Variants in FER observed in about 807,000 individuals in gnomAD.
FER encodes FER tyrosine kinase.
In FER, 63 loss-of-function variants were observed where a neutral mutation model predicts 111.0. The observed-to-expected ratio is 0.57, with a 90% CI of 0.46 to 0.70. FER has a LOEUF of 0.70. FER is among the 30% of genes least tolerant of loss of function. The probability of loss-of-function intolerance (pLI) is 0.00; values close to 1 mark genes in which losing one functional copy is unlikely to be tolerated. For missense variants in FER, 914 were observed against 954.0 expected (o/e 0.96, Z 0.55); for synonymous variants, 327 against 313.9 (o/e 1.04, Z -0.44).
chr5:109,045,787 C>G (rs1339431473), intron 15 of FER, among the ~76,000 whole-genome samples: 4 of 152,178 alleles, frequency 2.6e-5, no homozygotes, highest in African/African-American at 9.7e-5. Flanking sequence ...ACACAGTTAT[C>G]TCTTCATGCA....
At chr5:108,944,526 GT>G (rs1419988105) in intron 10 of FER, among the ~76,000 whole-genome samples, 1 of 152,116 alleles carries the variant, frequency 6.6e-6, no homozygotes, top group Admixed American at 6.6e-5. Flanking sequence ...TTGAAGGGAA[GT>G]TTTTTAATTT....
intron 17 of FER, among the ~76,000 whole-genome samples, chr5:109,158,904 G>A (rs1755697913): frequency 6.6e-6 from 1 of 151,902 alleles, no homozygotes; most frequent in African/African-American, 2.4e-5. Flanking sequence ...GTATGTTCAT[G>A]AATACCAATA....
intron 16 of FER, among the ~76,000 whole-genome samples, chr5:109,048,193 A>G (rs1221178504): frequency 6.6e-6 from 1 of 152,044 alleles, no homozygotes; most frequent in Non-Finnish European, 1.5e-5. Flanking sequence ...TTAATTTTTC[A>G]TGATTTATAA....
At chr5:109,104,161 A>G (rs958986065) in intron 17 of FER, among the ~76,000 whole-genome samples, 1 of 152,210 alleles carries the variant, frequency 6.6e-6, no homozygotes, top group Non-Finnish European at 1.5e-5. Context: ...TAACACAGTG[A>G]TTTTTGTTTA....
At chr5:108,937,456 T>G (rs1049442263) in intron 10 of FER, among the ~76,000 whole-genome samples, 1 of 152,016 alleles carries the variant, frequency 6.6e-6, no homozygotes, top group Non-Finnish European at 1.5e-5. Context: ...GATTTAAATT[T>G]GTGAGTAGAC....
At chr5:109,187,334 C>T (rs1033330175) in intron 19 of FER, 99 bp from the exon 20 acceptor site, 1 of 1,253,912 alleles carries the variant, frequency 8.0e-7, no homozygotes, top group Non-Finnish European at 1.1e-6. Flanking sequence ...ATAACTACAA[C>T]ATAAGGTACC....
chr5:108,807,005 A>T (rs1003677329), intron 3 of FER, among the ~76,000 whole-genome samples: 3 of 152,080 alleles, frequency 2.0e-5, no homozygotes, highest in Non-Finnish European at 4.4e-5. Flanking sequence ...CTCATATTGA[A>T]TTTTAACTCC....
intron 3 of FER, among the ~76,000 whole-genome samples, chr5:108,819,256 C>G (rs1019198356): frequency 1.3e-5 from 2 of 149,816 alleles, no homozygotes; most frequent in Non-Finnish European, 2.9e-5. Context: ...CTTTTGGGCT[C>G]AAGTGATCCT....
At position 109,187,546 on chromosome 5, in the gene FER, C is replaced by T. The variant is rs201713568; in HGVS notation, c.2440C>T (p.Leu814Phe). ...RPKFSELQKE[L>F]TIIKRKLT ...TAAGTTCAGTGAACTTCAGAAAGAG[C>T]TCACTATCATCAAGAGAAAACTCAC... Residue 814 changes from leucine (L) to phenylalanine (F), a missense_variant, in exon 20 of 20, where the codon CTC becomes TTC. Coordinates refer to ENST00000281092, the MANE Select transcript of FER (RefSeq NM_005246.4). The T allele has an allele frequency of 1.9e-6, 3 of 1,614,094 alleles. No homozygotes were observed. The highest frequency in any genetic ancestry group is 4.5e-5 in the East Asian group (2 of 44,878).
chr5:109,128,568 G>A (rs937217362), intron 17 of FER, among the ~76,000 whole-genome samples: 3 of 152,096 alleles, frequency 2.0e-5, no homozygotes, highest in African/African-American at 4.8e-5. Context: ...CTCTCTTGTA[G>A]CATGCACTTC....
At chr5:109,010,843 G>A (rs1453895651) in intron 13 of FER, among the ~76,000 whole-genome samples, 2 of 152,090 alleles carry the variant, frequency 1.3e-5, no homozygotes, top group African/African-American at 4.8e-5. Flanking sequence ...ACTAGTATTT[G>A]AGTAATTTAC....
intron 3 of FER, among the ~76,000 whole-genome samples, chr5:108,800,374 AG>A (rs1756505187): frequency 6.6e-6 from 1 of 150,952 alleles, no homozygotes; most frequent in Non-Finnish European, 1.5e-5. Context: ...TTTTCTCTTT[AG>A]GATCTTGCTC....
At chr5:108,987,738 A>T (rs1762735915) in intron 13 of FER, among the ~76,000 whole-genome samples, 1 of 152,104 alleles carries the variant, frequency 6.6e-6, no homozygotes, top group Non-Finnish European at 1.5e-5. Context: ...TCATTAGCAA[A>T]CAGCAACAGT....
At position 108,924,360 on chromosome 5, in the gene FER, C is replaced by CAAAAAA. The variant is rs59469649; in HGVS notation, c.1237-21753_1237-21748dup. ...GGGCGACAAGAGCGAAACTCTGTCTCAAAAAAAAAAAAAAAAAAAAAATCA... is the reference window on the plus strand; with the variant it reads ...GGGCGACAAGAGCGAAACTCTGTCTCAAAAAAAAAAAAAAAAAAAAAAAAAAAATCA... On this transcript the variant is annotated intron_variant, in intron 10 of 19. Transcript: ENST00000281092. Among the ~76,000 whole-genome samples the CAAAAAA allele has an allele frequency of 7.9e-3, 778 of 98,988 alleles. 5 individuals carry two copies. The highest frequency in any genetic ancestry group is 0.028 in the African/African-American group (746 of 26,824). 64.9% of individuals were successfully genotyped at this position (98,988 alleles called of 152,430 possible).
intron 10 of FER, among the ~76,000 whole-genome samples, chr5:108,911,961 C>T (rs114920016): frequency 0.059 from 8,905 of 152,158 alleles, 306 homozygotes; most frequent in African/African-American, 0.099. Flanking sequence ...AATTGAATCA[C>T]GAGGGCAGTT....
chr5:109,059,238 A>T (rs1774059774), intron 16 of FER, among the ~76,000 whole-genome samples: 1 of 152,192 alleles, frequency 6.6e-6, no homozygotes, highest in Non-Finnish European at 1.5e-5. Context: ...CTACAAAATC[A>T]AAACCTTATA....
chr5:108,917,241 T>C (rs985588492), intron 10 of FER, among the ~76,000 whole-genome samples: 1 of 152,142 alleles, frequency 6.6e-6, no homozygotes, highest in African/African-American at 2.4e-5. Context: ...CATTTTAACT[T>C]AGTGGTTGCT....
chr5:108,799,581 A>C (rs538117477), intron 3 of FER, among the ~76,000 whole-genome samples: 1 of 152,204 alleles, frequency 6.6e-6, no homozygotes. Context: ...TTGAATTTGC[A>C]TGCAGTATTT....
intron 16 of FER, among the ~76,000 whole-genome samples, chr5:109,093,577 T>C (rs1747092492): frequency 6.6e-6 from 1 of 152,172 alleles, no homozygotes; most frequent in South Asian, 2.1e-4. Flanking sequence ...TCCACTGATA[T>C]CATTGTTTTG....
Sources: allele counts gnomAD v4.1 joint callset (sites outside exome capture counted in the v4.1 genomes callset), GRCh38; gene constraint gnomAD v4.1.1; transcripts MANE v1.5; gene names NCBI Gene and HGNC (gene_info 2026-07-23, HGNC 2026-07-21).